Variants in SASH1 observed in about 807,000 individuals in gnomAD.
The protein encoded by SASH1 is SAM and SH3 domain-containing protein 1.
A neutral mutation model predicts 125.2 loss-of-function variants in SASH1; 44 were observed. The observed-to-expected ratio is 0.35, with a 90% CI of 0.28 to 0.45. The LOEUF is 0.45. Ranked by LOEUF, SASH1 falls within the 20% of genes least tolerant of loss-of-function variation. SASH1 has a pLI of 1.00. For missense variants in SASH1, 1,426 were observed against 1,614.5 expected, an observed-to-expected ratio of 0.88 and a Z score of 2.00; for synonymous variants, 639 against 649.1, an observed-to-expected ratio of 0.98 and a Z score of 0.24.
intron 1 of SASH1, among the ~76,000 whole-genome samples, chr6:148,320,485 C>T (rs1582960637): frequency 6.6e-6 from 1 of 152,244 alleles, no homozygotes; most frequent in East Asian, 1.9e-4. Flanking sequence ...GAATCATCTA[C>T]TCAGCCAAGG....
chr6:148,267,646 G>A (rs1778978619), upstream of SASH1, among the ~76,000 whole-genome samples: 3 of 152,032 alleles, frequency 2.0e-5, no homozygotes, highest in South Asian at 4.2e-4. Context: ...CCAAAGTGCT[G>A]GGATTACAGA....
intron 2 of SASH1, chr6:148,393,783 T>C: frequency 2.1e-6 from 2 of 945,306 alleles, no homozygotes; most frequent in Non-Finnish European, 2.5e-6. Context: ...GTGAGTAAAA[T>C]TGATGGGAGC....
chr6:148,253,773 G>A, the SASH1 span, among the ~76,000 whole-genome samples: 2 of 152,182 alleles, frequency 1.3e-5, no homozygotes, highest in Non-Finnish European at 2.9e-5. Flanking sequence ...TGGGGAGGCT[G>A]AGGCAGGAGA....
chr6:148,415,718 C>T (rs1351037884), intron 2 of SASH1, among the ~76,000 whole-genome samples: 3 of 152,094 alleles, frequency 2.0e-5, no homozygotes, highest in South Asian at 2.1e-4. Context: ...CAAAGGTCAC[C>T]GCAGAGCCAT....
chr6:148,543,549 TTA>T (rs1782356452), intron 17 of SASH1, 129 bp from the exon 18 acceptor site: 2 of 706,110 alleles, frequency 2.8e-6, no homozygotes, highest in East Asian at 5.6e-5. Flanking sequence ...AATGGTGATT[TTA>T]TGTTTTTAGT....
intron 1 of SASH1, among the ~76,000 whole-genome samples, chr6:148,386,602 A>G (rs1466958292): frequency 6.6e-6 from 1 of 152,168 alleles, no homozygotes; most frequent in African/African-American, 2.4e-5. Context: ...TGGACTTTCT[A>G]TTTGGTCAAA....
chr6:148,525,339 G>A lies in SASH1; in HGVS notation c.1258G>A (p.Val420Ile), dbSNP rs374033825. ...GFDLTNRSLHVGSNNSDPMGK... is the reference protein window; with the variant it reads ...GFDLTNRSLHIGSNNSDPMGK... ...TGACTTGACGAATCGCTCTCTGCACGTTGGCAGTAATAATTCTGACCCAAT... is the reference window on the plus strand; with the variant it reads ...TGACTTGACGAATCGCTCTCTGCACATTGGCAGTAATAATTCTGACCCAAT... The change falls in exon 11 of 20, where the codon GTT becomes ATT. Residue 420 changes from valine (V) to isoleucine (I), a missense_variant. Val to Ile is a conservative substitution (Grantham distance 29). Transcript: ENST00000367467. 117 of 1,614,010 alleles carry A rather than the reference G, an allele frequency of 7.2e-5. No homozygotes were observed. Among genetic ancestry groups the A allele is most frequent in the Non-Finnish European group, 9.1e-5 (107 of 1,179,914 alleles).
intron 2 of SASH1, among the ~76,000 whole-genome samples, chr6:148,438,772 C>T (rs1239658654): frequency 4.9e-5 from 7 of 141,720 alleles, no homozygotes; most frequent in Non-Finnish European, 7.6e-5. Flanking sequence ...AAAAAAACCA[C>T]GTAACATAAA....
At chr6:148,254,532 C>T in the SASH1 span, among the ~76,000 whole-genome samples, 1 of 151,994 alleles carries the variant, frequency 6.6e-6, no homozygotes, top group African/African-American at 2.4e-5. Context: ...AAAAAATAAG[C>T]CAAAGATCTG....
chr6:148,285,652 T>A (rs1020166482), intron 1 of SASH1, among the ~76,000 whole-genome samples: 9 of 152,156 alleles, frequency 5.9e-5, no homozygotes, highest in African/African-American at 2.2e-4. Flanking sequence ...TTCCTACAGG[T>A]AATTCCAGTA....
At chr6:148,397,572 C>T (rs76033521) in intron 2 of SASH1, among the ~76,000 whole-genome samples, 32,552 of 152,078 alleles carry the variant, frequency 0.21, 3,643 homozygotes, top group South Asian at 0.28. Context: ...AATATACCCA[C>T]GTCACCCGCA....
chr6:148,327,353 C>T (rs1251316477), intron 1 of SASH1, among the ~76,000 whole-genome samples: 5 of 150,644 alleles, frequency 3.3e-5, no homozygotes, highest in African/African-American at 9.8e-5. Context: ...AGCACGATCT[C>T]GGCTCACTGC....
At chr6:148,236,400 C>T in the SASH1 span, among the ~76,000 whole-genome samples, 1 of 152,106 alleles carries the variant, frequency 6.6e-6, no homozygotes, top group South Asian at 2.1e-4. Context: ...TTTGTAGAGA[C>T]AGGGTTTCAC....
At chr6:148,540,371 C>A in intron 16 of SASH1, 72 bp from the exon 17 acceptor site, 2 of 1,164,398 alleles carry the variant, frequency 1.7e-6, no homozygotes, top group Non-Finnish European at 2.5e-6. Flanking sequence ...AGGATAAAGT[C>A]GAGATCTGTT....
chr6:148,522,985 TA>T (rs891606658), intron 10 of SASH1, among the ~76,000 whole-genome samples: 11 of 152,266 alleles, frequency 7.2e-5, no homozygotes, highest in African/African-American at 2.7e-4. Flanking sequence ...TATCTTAGCC[TA>T]TCACTGAAAG....
In SASH1 at chr6:148,542,883, C is replaced by T. The variant is rs546588855; in HGVS notation, c.2210-797C>T. Among the ~76,000 whole-genome samples, 71 of 151,070 alleles carry T rather than the reference C, an allele frequency of 4.7e-4. No individual in the cohort carries two copies. The East Asian group carries it at 7.0e-3, about 15-fold the overall frequency. On this transcript the variant is annotated intron_variant, in intron 17 of 19. Transcript: ENST00000367467. ...GTGTGTGTGTGTGTGTGTGTGTGCG[C>T]GCGCACATGTAAGTACTGATGAGAA...
At chr6:148,219,305 C>T in the SASH1 span, among the ~76,000 whole-genome samples, 1 of 152,158 alleles carries the variant, frequency 6.6e-6, no homozygotes, top group African/African-American at 2.4e-5. Context: ...TTTGCAGTAA[C>T]GTTGCCAATC....
chr6:148,419,368 T>C (rs1784950888), intron 2 of SASH1, among the ~76,000 whole-genome samples: 1 of 152,226 alleles, frequency 6.6e-6, no homozygotes, highest in Non-Finnish European at 1.5e-5. Context: ...TGCTTTGAAT[T>C]TGCATACGTT....
chr6:148,487,844 A>G, intron 8 of SASH1, 129 bp downstream of exon 8: 1 of 575,092 alleles, frequency 1.7e-6, no homozygotes. Flanking sequence ...GTGTCTGTTC[A>G]TATAGATTGC....
Sources: gnomAD v4.1 joint callset for allele counts (sites outside exome capture counted in the v4.1 genomes callset) on GRCh38, gnomAD v4.1.1 for gene constraint, MANE v1.5 for transcripts, NCBI Gene and HGNC (gene_info 2026-07-23, HGNC 2026-07-21) for gene names.